NUP98: variants seen among roughly 807,000 people sequenced by gnomAD.
NUP98 encodes the protein nucleoporin 98 and 96 precursor, also known as nuclear pore complex protein Nup98-Nup96.
Under a neutral mutation model 191.9 loss-of-function variants are expected in NUP98, and 26 were observed. The observed-to-expected ratio is 0.14, with a 90% CI of 0.10 to 0.19. The LOEUF is 0.19. Among genes scored for constraint, NUP98 ranks in the 10% least tolerant of loss-of-function variants. The pLI, the probability that NUP98 is intolerant of heterozygous loss-of-function variation, is 1.00. For synonymous variants in NUP98, 808 were observed against 778.4 expected, an observed-to-expected ratio of 1.04 and a Z score of -0.63; for missense variants, 1,941 against 2,178.8, an observed-to-expected ratio of 0.89 and a Z score of 2.17.
In NUP98 at chr11:3,675,876, G is replaced by A. The variant is rs1157900150; in HGVS notation, c.*283C>T. 4.3e-6 allele frequency: 2 copies of A among 466,726 alleles called. No individual in the cohort carries two copies. The highest frequency in any genetic ancestry group is 3.8e-5 in the East Asian group (1 of 26,588). 28.9% of individuals were successfully genotyped at this position (466,726 alleles called of 1,614,324 possible). ...AAAAGAATACCCTGGTTCTTTGGGG[G>A]ATTCTGCCAAAGGAGCTTTATTGAC... On this transcript the variant is annotated 3_prime_UTR_variant, in exon 33 of 33. Coordinates refer to ENST00000324932, the MANE Select transcript of NUP98 (RefSeq NM_016320.5).
At chr11:3,754,130 A>T in intron 10 of NUP98, among the ~76,000 whole-genome samples, 1 of 152,090 alleles carries the variant, frequency 6.6e-6, no homozygotes, top group Non-Finnish European at 1.5e-5. Flanking sequence ...ACTTGTACTA[A>T]AAAAAATGAA....
intron 27 of NUP98, among the ~76,000 whole-genome samples, chr11:3,691,799 C>G (rs2078319421): frequency 6.6e-6 from 1 of 152,196 alleles, no homozygotes; most frequent in South Asian, 2.1e-4. Flanking sequence ...GGTGATACGC[C>G]TGCCTTAGCC....
chr11:3,768,677 G>A lies in NUP98; in HGVS notation c.852C>T (p.Leu284=). The A allele has an allele frequency of 6.2e-7, 1 of 1,610,070 alleles. No individual in the cohort carries two copies. Among genetic ancestry groups the A allele is most frequent in the Non-Finnish European group, 8.5e-7 (1 of 1,177,530 alleles). ...TAGCCTGGCCAAATGGTTTGCTGAA[G>A]AGGCTGGTAGTCTGCTGATTCTGTT... ...FGQQNQQTTS[L]FSKPFGQATT... The change falls in exon 8 of 33, where the codon CTC becomes CTT. Residue 284 remains leucine (L), a synonymous_variant. Transcript: ENST00000324932.
Position 3,676,305 on chromosome 11 carries a change from C to A in NUP98, c.5257G>T (p.Asp1753Tyr). 1 of 1,614,036 alleles carries A rather than the reference C, an allele frequency of 6.2e-7. No homozygotes were observed. The highest frequency in any genetic ancestry group is 8.5e-7 in the Non-Finnish European group (1 of 1,179,970). The stretch of plus-strand genomic sequence containing the variant: ...ACTCGCTGAGGGTCTGGTGTTGAGT[C>A]GGAGGTTCTATCAGGAGGATGATGC... ...SLHHPPDRTS[D>Y]STPDPQRVPL... Residue 1753 changes from aspartate (D) to tyrosine (Y), a missense_variant, in exon 33 of 33, where the codon GAC (aspartate) becomes TAC (tyrosine). By Grantham distance (160) the Asp-to-Tyr change is radical. This residue lies in a region of NUP98 where 1,030 missense variants were observed against 1,115.8 expected (regional missense o/e 0.92). Coordinates refer to ENST00000324932, the MANE Select transcript of NUP98 (RefSeq NM_016320.5).
At chr11:3,749,894 G>A (rs560979961) in intron 11 of NUP98, among the ~76,000 whole-genome samples, 1 of 152,120 alleles carries the variant, frequency 6.6e-6, no homozygotes, top group Non-Finnish European at 1.5e-5. Flanking sequence ...ACACAAACTG[G>A]TATTTTTGAA....
chr11:3,774,243 A>T (rs1156330038), intron 5 of NUP98, among the ~76,000 whole-genome samples: 4 of 146,316 alleles, frequency 2.7e-5, no homozygotes, highest in South Asian at 4.4e-4. Flanking sequence ...ACTAAAAAAT[A>T]AAAAAATAAA....
chr11:3,744,734 C>A (rs2080428472), intron 11 of NUP98, 85 bp from the exon 12 acceptor site: 1 of 1,455,792 alleles, frequency 6.9e-7, no homozygotes, highest in African/African-American at 1.4e-5. Context: ...AAATATAATA[C>A]ATTTGGAAAC....
chr11:3,774,726 T>C (rs2081651900), intron 5 of NUP98, among the ~76,000 whole-genome samples: 2 of 151,582 alleles, frequency 1.3e-5, no homozygotes, highest in East Asian at 1.9e-4. Flanking sequence ...AAAAGAAATA[T>C]GGAAACCTGT....
chr11:3,767,042 G>A (rs1036747138), intron 8 of NUP98, among the ~76,000 whole-genome samples: 10 of 152,178 alleles, frequency 6.6e-5, no homozygotes, highest in Admixed American at 4.6e-4. Context: ...TCGGCTCACC[G>A]CAACTTCTGC....
chr11:3,728,231 G>A (rs755771218), intron 14 of NUP98, among the ~76,000 whole-genome samples: 19 of 152,314 alleles, frequency 1.2e-4, no homozygotes, highest in Non-Finnish European at 2.4e-4. Context: ...AAGCAATGGA[G>A]AGAATCGTAG....
chr11:3,734,637 T>G (rs1215645966), intron 13 of NUP98, among the ~76,000 whole-genome samples: 1 of 152,230 alleles, frequency 6.6e-6, no homozygotes, highest in Non-Finnish European at 1.5e-5. Context: ...AAAGATCATG[T>G]TTTTACACTA....
intron 8 of NUP98, 72 bp downstream of exon 8, chr11:3,768,509 G>T: frequency 7.5e-7 from 1 of 1,330,300 alleles, no homozygotes; most frequent in South Asian, 2.2e-5. Flanking sequence ...TTGCTAGTTT[G>T]ACATGATTAG....
At chr11:3,743,898 CA>C (rs1244362189) in intron 12 of NUP98, among the ~76,000 whole-genome samples, 3,299 of 142,116 alleles carry the variant, frequency 0.023, 129 homozygotes, top group African/African-American at 0.079. Context: ...CTCAAGATAC[CA>C]AAAAAAAAAA....
At chr11:3,723,585 T>C (rs778925749) in intron 15 of NUP98, 130 bp from the exon 16 acceptor site, 2 of 674,566 alleles carry the variant, frequency 3.0e-6, no homozygotes, top group Non-Finnish European at 5.0e-6. Context: ...AAAATTCACT[T>C]AATACTTACT....
At chr11:3,738,259 A>G (rs1387707286) in intron 12 of NUP98, among the ~76,000 whole-genome samples, 1 of 152,212 alleles carries the variant, frequency 6.6e-6, no homozygotes, top group East Asian at 1.9e-4. Flanking sequence ...AAGAAAACAA[A>G]CAAGCACTAG....
At chr11:3,742,402 TATAAAA>T (rs1204267536) in intron 12 of NUP98, among the ~76,000 whole-genome samples, 2 of 152,052 alleles carry the variant, frequency 1.3e-5, no homozygotes, top group Admixed American at 6.6e-5. Context: ...ATTTTATCAA[TATAAAA>T]ATAAAGATGG....
intron 11 of NUP98, among the ~76,000 whole-genome samples, chr11:3,748,046 TG>T (rs1564879703): frequency 6.6e-6 from 1 of 152,218 alleles, no homozygotes; most frequent in African/African-American, 2.4e-5. Flanking sequence ...AGGAGAGGCA[TG>T]TATAAGGAAT....
At chr11:3,760,700 G>C in intron 9 of NUP98, 74 bp from the exon 10 acceptor site, 1 of 1,255,368 alleles carries the variant, frequency 8.0e-7, no homozygotes, top group Non-Finnish European at 1.1e-6. Context: ...GGTTACCTCA[G>C]GTATACTGGG....
At position 3,778,864 on chromosome 11, in the gene NUP98, C is replaced by A. The variant is rs2081848066; in HGVS notation, c.355+9G>T. 2 of 1,612,656 alleles carry A rather than the reference C, an allele frequency of 1.2e-6. No individual in the cohort carries two copies. Among genetic ancestry groups the A allele is most frequent in the South Asian group, 1.1e-5 (1 of 90,836 alleles). On this transcript the variant is annotated intron_variant, in intron 4 of 32. Transcript: ENST00000324932. Reference sequence around the variant, plus strand: ...ATTAGATGCAGAACTCCAGTGATGTCCCACTTACTGCCAAAGCCAGTTGGT... The same window carrying A: ...ATTAGATGCAGAACTCCAGTGATGTACCACTTACTGCCAAAGCCAGTTGGT...
Sources: gnomAD v4.1 joint callset for allele counts (sites outside exome capture counted in the v4.1 genomes callset) on GRCh38, gnomAD v4.1.1 for gene constraint, gnomAD v4.1.1 regional missense constraint, MANE v1.5 for transcripts, NCBI Gene and HGNC (gene_info 2026-07-23, HGNC 2026-07-21) for gene names.